GSE1: variants seen among roughly 807,000 people sequenced by gnomAD.
The protein encoded by GSE1 is Gse1 coiled-coil protein.
A neutral mutation model predicts 112.6 loss-of-function variants in GSE1; 32 were observed. That is an observed-to-expected ratio of 0.28 (90% confidence interval 0.21 to 0.38). The LOEUF (loss-of-function observed/expected upper bound fraction) is 0.38. Among genes scored for constraint, GSE1 ranks in the 10% least tolerant of loss-of-function variants. The pLI, the probability that GSE1 is intolerant of heterozygous loss-of-function variation, is 1.00. For synonymous variants in GSE1, 1,115 were observed against 735.6 expected (o/e 1.52, Z -8.35); for missense variants, 2,348 against 1,699.2 (o/e 1.38, Z -6.71).
intron 2 of GSE1, among the ~76,000 whole-genome samples, chr16:85,464,482 C>T (rs975207064): frequency 1.3e-5 from 2 of 152,232 alleles, no homozygotes; most frequent in Non-Finnish European, 2.9e-5. Flanking sequence ...CCTCCGGGTG[C>T]CCGGCTGGTG....
rs549856547 is a variant in GSE1, at chr16:85,663,450, C to G, written c.2480C>G (p.Pro827Arg). 3 of 1,613,720 alleles carry G rather than the reference C, an allele frequency of 1.9e-6. No homozygotes were observed. The African/African-American group carries it at 4.0e-5, about 22-fold the overall frequency. The change falls in exon 11 of 16, where the codon CCG (proline) becomes CGG (arginine). Residue 827 changes from proline to arginine, a missense_variant. Pro to Arg is a moderately radical substitution (Grantham distance 103). Transcript: ENST00000253458. Reference protein sequence around the residue: ...KRRRMLRERSPSPPTIQSKRQ... With the variant: ...KRRRMLRERSRSPPTIQSKRQ... ...CGGAGGATGCTGCGAGAGAGAAGCC[C>G]GTCGCCCCCAACAATTCAGAGCAAG...
At chr16:85,277,941 G>T (rs1018084654) in intron 1 of GSE1, among the ~76,000 whole-genome samples, 1 of 152,238 alleles carries the variant, frequency 6.6e-6, no homozygotes, top group African/African-American at 2.4e-5. Context: ...GGGTCAGCGG[G>T]TCCCTAGAGC....
chr16:85,316,565 G>A (rs921121456), intron 1 of GSE1, among the ~76,000 whole-genome samples: 2 of 152,200 alleles, frequency 1.3e-5, no homozygotes, highest in Non-Finnish European at 2.9e-5. Context: ...GAGGTCCACA[G>A]GGGTAAGGGG....
chr16:85,213,280 A>G (rs1331911024), intron 1 of GSE1, among the ~76,000 whole-genome samples: 1 of 151,660 alleles, frequency 6.6e-6, no homozygotes, highest in Non-Finnish European at 1.5e-5. Context: ...AAAAAAAAAA[A>G]AAAGAAAAAG....
intron 2 of GSE1, among the ~76,000 whole-genome samples, chr16:85,361,313 AC>A (rs5818529): frequency 0.38 from 39,042 of 102,486 alleles, 8,859 homozygotes; most frequent in East Asian, 0.61. Flanking sequence ...ACAGGCACAG[AC>A]CCCCCCACAC....
At chr16:85,446,616 C>T (rs769791710) in intron 2 of GSE1, among the ~76,000 whole-genome samples, 3 of 152,154 alleles carry the variant, frequency 2.0e-5, no homozygotes, top group Non-Finnish European at 4.4e-5. Context: ...GGCTCGACCC[C>T]TATGGGGTGT....
Position 85,657,544 on chromosome 16 carries a change from T to C in GSE1, c.1580T>C (p.Leu527Pro). The C allele has an allele frequency of 6.3e-7, 1 of 1,598,148 alleles. No homozygotes were observed. The highest frequency in any genetic ancestry group is 8.5e-7 in the Non-Finnish European group (1 of 1,171,996). Residue 527 changes from leucine to proline, a missense_variant, in exon 8 of 16, where the codon CTG becomes CCG. Leu to Pro is a moderately conservative substitution (Grantham distance 98). Transcript: ENST00000253458. ...CGGCAGCAGGTGCTGGAGCAGCACC[T>C]GGATATGGGCCGGCCCCCGGTGCCG... ...EFRQQVLEQH[L>P]DMGRPPVPAE...
At chr16:85,642,191 A>G (rs918697282) in intron 2 of GSE1, among the ~76,000 whole-genome samples, 1 of 152,234 alleles carries the variant, frequency 6.6e-6, no homozygotes, top group Admixed American at 6.5e-5. Flanking sequence ...GCATGCCTAT[A>G]GTCCCAGCTG....
intron 2 of GSE1, among the ~76,000 whole-genome samples, chr16:85,646,977 C>G (rs1442706703): frequency 6.6e-6 from 1 of 152,148 alleles, no homozygotes; most frequent in Admixed American, 6.5e-5. Context: ...TGGACACCCC[C>G]TACCCCTGCC....
At position 85,311,847 on chromosome 16, in the gene GSE1, G is replaced by C. The variant is rs1433720921; in HGVS notation, c.2284-45616G>C. Among the ~76,000 whole-genome samples the C allele has an allele frequency of 6.6e-6, 1 of 152,178 alleles. No individual in the cohort carries two copies. The highest frequency in any genetic ancestry group is 2.4e-5 in the African/African-American group (1 of 41,450). The stretch of plus-strand genomic sequence containing the variant: ...GTCTGACCTGTGGCCCCAGCCGCGA[G>C]TCCTTCTCACCCCAGACCCCAGCGT... On this transcript the variant is annotated intron_variant, in intron 1 of 2. Coordinates refer to the GSE1 transcript ENST00000637419. This position sits in a 1 kb window ranked among gnomAD's most constrained non-coding sequence, Gnocchi z 4.2.
At position 85,478,907 on chromosome 16, in the gene GSE1, C is replaced by CT. The variant is rs765115585; in HGVS notation, c.2464+121267dup. Among the ~76,000 whole-genome samples, 83 of 51,042 alleles carry CT rather than the reference C, an allele frequency of 1.6e-3. 5 individuals carry two copies. The highest frequency in any genetic ancestry group is 6.9e-3 in the African/African-American group (78 of 11,272). 33.5% of individuals were successfully genotyped at this position (51,042 alleles called of 152,430 possible). A position where few individuals can be genotyped will look rare whatever the true frequency, so the allele number is the denominator to read the frequency against. On this transcript the variant is annotated intron_variant, in intron 2 of 2. Transcript: ENST00000637419. Reference sequence around the variant, plus strand: ...TCTTTCTTTCTTTCTTTCTTTCTTTCTTTCTTTCTTTCTTTCTTTCTCTTT... The same window carrying CT: ...TCTTTCTTTCTTTCTTTCTTTCTTTCTTTTCTTTCTTTCTTTCTTTCTCTTT...
At chr16:85,653,899 G>C (rs2051665213) in intron 3 of GSE1, among the ~76,000 whole-genome samples, 1 of 152,152 alleles carries the variant, frequency 6.6e-6, no homozygotes, top group African/African-American at 2.4e-5. Flanking sequence ...TGCTTCCCCG[G>C]GTGTGTGTCT....
intron 1 of GSE1, among the ~76,000 whole-genome samples, chr16:85,183,764 G>A (rs1382885206): frequency 6.6e-6 from 1 of 152,208 alleles, no homozygotes; most frequent in Non-Finnish European, 1.5e-5. Flanking sequence ...CAGATGTACA[G>A]GCTGAGGCTC....
intron 2 of GSE1, among the ~76,000 whole-genome samples, chr16:85,423,065 C>G (rs2048888246): frequency 6.6e-6 from 1 of 152,236 alleles, no homozygotes; most frequent in African/African-American, 2.4e-5. Context: ...GAGGCTGGCC[C>G]CAGGCACTGC....
At chr16:85,620,656 C>A (rs1175917876) in intron 1 of GSE1, among the ~76,000 whole-genome samples, 1 of 152,290 alleles carries the variant, frequency 6.6e-6, no homozygotes, top group African/African-American at 2.4e-5. Flanking sequence ...GGAATCAGCC[C>A]TTGTGGAATG....
intron 1 of GSE1, among the ~76,000 whole-genome samples, chr16:85,255,203 C>G (rs1906939416): frequency 6.6e-6 from 1 of 152,188 alleles, no homozygotes; most frequent in Non-Finnish European, 1.5e-5. Flanking sequence ...CACCCGCTCC[C>G]CAGCCCTTCC....
chr16:85,357,559 G>A lies in GSE1; in HGVS notation c.2380G>A (p.Gly794Ser), dbSNP rs1227545047. 3.1e-6 allele frequency: 4 copies of A among 1,287,988 alleles called. No homozygotes were observed. The East Asian group carries it at 2.2e-4, about 72-fold the overall frequency. 79.8% of individuals were successfully genotyped at this position (1,287,988 alleles called of 1,614,324 possible). A position where few individuals can be genotyped will look rare whatever the true frequency, so the allele number is the denominator to read the frequency against. The stretch of plus-strand genomic sequence containing the variant: ...CGCCCCCACGGAGACCCTGCCCAGA[G>A]GCCCCAGGATGGCCCAGGAGCTGAG... The change falls in exon 2 of 3, where the codon GGC (glycine) becomes AGC (serine). Residue 794 changes from glycine (G) to serine (S), a missense_variant. By Grantham distance (56) the Gly-to-Ser change is moderately conservative. Transcript: ENST00000637419.
chr16:85,396,571 T>G (rs1321754898), intron 2 of GSE1, among the ~76,000 whole-genome samples: 1 of 152,204 alleles, frequency 6.6e-6, no homozygotes, highest in African/African-American at 2.4e-5. Context: ...GCCCACCACC[T>G]GGAGCCATGG....
At chr16:85,258,035 T>C (rs1022285254) in intron 1 of GSE1, among the ~76,000 whole-genome samples, 6 of 152,212 alleles carry the variant, frequency 3.9e-5, no homozygotes, top group African/African-American at 1.4e-4. Context: ...TGACTCACTT[T>C]GGGGGTCCTC....
Sources: gnomAD v4.1 joint callset for allele counts (sites outside exome capture counted in the v4.1 genomes callset) on GRCh38, gnomAD v4.1.1 for gene constraint, Gnocchi (gnomAD v3.1) non-coding constraint, MANE v1.5 for transcripts, NCBI Gene and HGNC (gene_info 2026-07-23, HGNC 2026-07-21) for gene names.